Variants in RBM34 observed in about 807,000 individuals in gnomAD.
RBM34 encodes the protein RNA binding motif protein 34.
RBM34 carries 39 observed loss-of-function variants against 44.6 expected under a neutral mutation model. The ratio of observed to expected loss-of-function variants is 0.87; its 90% CI spans 0.68 to 1.14. The LOEUF (loss-of-function observed/expected upper bound fraction) is 1.14, where lower values mean the gene tolerates loss of function less well. RBM34 is among the 50% of genes most tolerant of loss of function. The pLI, the probability that RBM34 is intolerant of heterozygous loss-of-function variation, is 0.00. For synonymous variants in RBM34, 194 were observed against 184.0 expected (o/e 1.05, Z -0.44); for missense variants, 572 against 517.9 (o/e 1.10, Z -1.01).
Position 235,155,006 on chromosome 1 carries a change from G to A in RBM34, c.472C>T (p.Leu158Phe). 3 of 1,613,960 alleles carry A rather than the reference G, an allele frequency of 1.9e-6. No homozygotes were observed. The highest frequency in any genetic ancestry group is 1.7e-6 in the Non-Finnish European group (2 of 1,179,940). The change falls in exon 4 of 11, where the codon CTT becomes TTT. Residue 158 changes from leucine (L) to phenylalanine (F), a missense_variant. Physicochemically the swap from Leu to Phe is conservative, Grantham distance 22. Transcript: ENST00000408888. Reference protein sequence around the residue: ...PGVKVADRKILDDTEDTVVSQ... With the variant: ...PGVKVADRKIFDDTEDTVVSQ... ...ACAACTGTGTCTTCTGTGTCATCAAGTATTTTTCTATCTGCTACTTTAACA... is the reference window on the plus strand; with the variant it reads ...ACAACTGTGTCTTCTGTGTCATCAAATATTTTTCTATCTGCTACTTTAACA...
At position 235,135,720 on chromosome 1, in the gene RBM34, T is replaced by C. The variant is rs767765311; in HGVS notation, c.940A>G (p.Met314Val). The stretch of plus-strand genomic sequence containing the variant: ...TTGTCTCTCACAATCCTCACGGCCA[T>C]GATACTTCCACAGTCCAGAAAGTGC... ...EKHFLDCGSIMAVRIVRDKMT... is the reference protein window; with the variant it reads ...EKHFLDCGSIVAVRIVRDKMT... The change falls in exon 10 of 11, where the codon ATG (methionine) becomes GTG (valine). Residue 314 changes from methionine to valine, a missense_variant. Coordinates refer to ENST00000408888, the MANE Select transcript of RBM34 (RefSeq NM_015014.4). 25 of 1,614,070 alleles carry C rather than the reference T, an allele frequency of 1.5e-5. No individual in the cohort carries two copies. Among genetic ancestry groups the C allele is most frequent in the African/African-American group, 4.0e-5 (3 of 74,936 alleles).
In RBM34 at chr1:235,154,880, C is replaced by G. The variant is rs371002632; in HGVS notation, c.597+1G>C. 16 of 1,609,182 alleles carry G rather than the reference C, an allele frequency of 9.9e-6. No individual in the cohort carries two copies. The highest frequency in any genetic ancestry group is 1.4e-5 in the Non-Finnish European group (16 of 1,176,028). On this transcript the variant is annotated splice_donor_variant, in intron 4 of 10. Transcript: ENST00000408888. LOFTEE classifies it high-confidence loss of function. ...TGAACTTTTACCATATACAAACTCA[C>G]CTTCTTATTACATGTAACAGGCAAA...
chr1:235,148,659 C>T (rs977788324), intron 5 of RBM34, among the ~76,000 whole-genome samples: 19 of 151,414 alleles, frequency 1.3e-4, no homozygotes, highest in South Asian at 2.1e-4. Flanking sequence ...AGTGCAGTGG[C>T]ATGATGTCGG....
chr1:235,160,040 G>A, intron 3 of RBM34: 1 of 253,022 alleles, frequency 4.0e-6, no homozygotes, highest in South Asian at 4.5e-5. Flanking sequence ...GATCGCTTGA[G>A]GTCAGGAGTT....
chr1:235,144,020 C>A (rs1384137477), intron 6 of RBM34, among the ~76,000 whole-genome samples: 1 of 151,950 alleles, frequency 6.6e-6, no homozygotes, highest in Non-Finnish European at 1.5e-5. Flanking sequence ...CTACTAAAAA[C>A]TTAAAAATCA....
chr1:235,155,352 TTTTC>T (rs1662353436), intron 3 of RBM34, among the ~76,000 whole-genome samples: 1 of 152,096 alleles, frequency 6.6e-6, no homozygotes, highest in African/African-American at 2.4e-5. Flanking sequence ...CTCTTTTTTT[TTTTC>T]TTTGAGACAG....
At chr1:235,156,726 T>A (rs1213165951) in intron 3 of RBM34, 1 of 414,840 alleles carries the variant, frequency 2.4e-6, no homozygotes, top group African/African-American at 2.1e-5. Context: ...CTAATAAGAA[T>A]CATAAAAATG....
chr1:235,148,495 C>T (rs367873171), intron 5 of RBM34, 48 bp from the exon 6 acceptor site: 95 of 1,410,286 alleles, frequency 6.7e-5, no homozygotes, highest in Admixed American at 4.5e-4. Flanking sequence ...TGAAGTATTA[C>T]CTCAAATTAA....
chr1:235,160,612 T>C lies in RBM34; in HGVS notation c.264A>G (p.Glu88=), dbSNP rs749837383. 30 of 1,611,882 alleles carry C rather than the reference T, an allele frequency of 1.9e-5. No individual in the cohort carries two copies. Among genetic ancestry groups the C allele is most frequent in the Non-Finnish European group, 2.4e-5 (28 of 1,179,514 alleles). ...TIKKTKRNEE[E]ESTSQIERPL... ...GTCTTTCAATCTGGGATGTACTTTC[T>C]TCCTCCTCATTCCGTTTCGTTTTTT... Residue 88 remains glutamate, a synonymous_variant, in exon 3 of 11, where the codon GAA becomes GAG. Coordinates refer to ENST00000408888, the MANE Select transcript of RBM34 (RefSeq NM_015014.4).
chr1:235,149,232 CA>C (rs979480614), intron 5 of RBM34, among the ~76,000 whole-genome samples: 9 of 151,280 alleles, frequency 5.9e-5, no homozygotes, highest in Admixed American at 2.0e-4. Context: ...ACTAGAAATA[CA>C]AAAAAATTAG....
In RBM34 at chr1:235,136,058, C is replaced by A; in HGVS notation, c.865G>T (p.Val289Phe). ...CTATAAGGGAGATTCCCCACAAAAA[C>A]CGATCTCTTGTCTCTCTGAAACAAA... ...SETSSRDKRS[V>F]FVGNLPYKVE... is the part of the protein sequence containing the mutation. The change falls in exon 9 of 11, where the codon GTT (valine) becomes TTT (phenylalanine). Residue 289 changes from valine (V) to phenylalanine (F), a missense_variant. Coordinates refer to ENST00000408888, the MANE Select transcript of RBM34 (RefSeq NM_015014.4). The A allele has an allele frequency of 6.3e-7, 1 of 1,598,614 alleles. No homozygotes were observed. Among genetic ancestry groups the A allele is most frequent in the South Asian group, 1.1e-5 (1 of 89,996 alleles).
chr1:235,138,033 AG>A, intron 7 of RBM34, 57 bp downstream of exon 7: 1 of 1,543,694 alleles, frequency 6.5e-7, no homozygotes, highest in South Asian at 1.1e-5. Context: ...GAATAAAAAA[AG>A]TACTCATACA....
chr1:235,157,109 T>G (rs773625222), intron 3 of RBM34, among the ~76,000 whole-genome samples: 1 of 152,184 alleles, frequency 6.6e-6, no homozygotes, highest in Admixed American at 6.5e-5. Flanking sequence ...CGAAAGTGCT[T>G]AGATTTTATC....
chr1:235,131,972 A>G lies in RBM34; in HGVS notation c.1034T>C (p.Leu345Pro), dbSNP rs370366001. ...CATGAGTTCAGAATTATTTAATTTC[A>G]GAGCAAGATGAACAGAATCTGTATT... ...FENTDSVHLA[L>P]KLNNSELMGR... Residue 345 changes from leucine to proline, a missense_variant, in exon 11 of 11, where the codon CTG becomes CCG. Leu to Pro is a moderately conservative substitution (Grantham distance 98). Transcript: ENST00000408888. 195 of 1,602,118 alleles carry G rather than the reference A, an allele frequency of 1.2e-4. No homozygotes were observed. Among genetic ancestry groups the G allele is most frequent in the Non-Finnish European group, 1.6e-4 (193 of 1,174,212 alleles).
Position 235,148,418 on chromosome 1 carries a change from C to CT in RBM34, c.686dup (p.Leu230ValfsTer7). On this transcript the variant is annotated frameshift_variant, in exon 6 of 11. Coordinates refer to ENST00000408888, the MANE Select transcript of RBM34 (RefSeq NM_015014.4). LOFTEE classifies it high-confidence loss of function. ...TATAAACTTACTTTATTGCTGCCAACTTTTTGGATAGCGTTCCCTCTGCTG... is the reference window on the plus strand; with the variant it reads ...TATAAACTTACTTTATTGCTGCCAACTTTTTTGGATAGCGTTCCCTCTGCTG... 6.3e-7 allele frequency: 1 copy of CT among 1,596,756 alleles called. No homozygotes were observed. The highest frequency in any genetic ancestry group is 1.8e-5 in the Admixed American group (1 of 57,114).
chr1:235,136,858 T>C (rs1042962914), intron 8 of RBM34, among the ~76,000 whole-genome samples: 1 of 152,248 alleles, frequency 6.6e-6, no homozygotes, highest in Admixed American at 6.5e-5. Context: ...ACCCACCTAA[T>C]AATTGTACCA....
intron 3 of RBM34, among the ~76,000 whole-genome samples, chr1:235,156,292 C>G (rs572385287): frequency 6.6e-6 from 1 of 152,150 alleles, no homozygotes; most frequent in East Asian, 1.9e-4. Context: ...GCGTGAACCA[C>G]TGCACCTGGC....
chr1:235,144,194 C>A (rs150333349), intron 6 of RBM34, among the ~76,000 whole-genome samples: 1 of 151,900 alleles, frequency 6.6e-6, no homozygotes, highest in Admixed American at 6.6e-5. Context: ...AACCCTCCCC[C>A]ACAAAAAAAC....
chr1:235,153,654 G>A (rs1436520873), intron 4 of RBM34, among the ~76,000 whole-genome samples: 4 of 152,246 alleles, frequency 2.6e-5, no homozygotes, highest in East Asian at 1.9e-4. Context: ...TCGAACTCCC[G>A]ACCTCAGGGG....
Sources: allele counts gnomAD v4.1 joint callset (sites outside exome capture counted in the v4.1 genomes callset), GRCh38; gene constraint gnomAD v4.1.1; transcripts MANE v1.5; gene names NCBI Gene and HGNC (gene_info 2026-07-23, HGNC 2026-07-21).